Variants in PTPRN2 observed in about 807,000 individuals in gnomAD.
PTPRN2 encodes protein tyrosine phosphatase receptor type N2.
Under a neutral mutation model 118.8 loss-of-function variants are expected in PTPRN2, and 74 were observed. That is an observed-to-expected ratio of 0.62 (90% confidence interval 0.52 to 0.76). The LOEUF (loss-of-function observed/expected upper bound fraction) is 0.76. PTPRN2 is among the 30% of genes least tolerant of loss of function. The pLI, the probability that PTPRN2 is intolerant of heterozygous loss-of-function variation, is 0.00. For synonymous variants in PTPRN2, 641 were observed against 608.0 expected (o/e 1.05, Z -0.80); for missense variants, 1,481 against 1,394.4 (o/e 1.06, Z -0.99).
Position 158,570,539 on chromosome 7 carries a change from C to A in PTPRN2, c.112+17019G>T, listed in dbSNP as rs1199148277. On this transcript the variant is annotated intron_variant, in intron 1 of 22. Coordinates refer to ENST00000389418, the MANE Select transcript of PTPRN2 (RefSeq NM_002847.5). This position sits in a 1 kb window ranked among gnomAD's most constrained non-coding sequence, Gnocchi z 4.5. Reference sequence around the variant, plus strand: ...CCGTGGTGGGTCCCGATCCCCCGGCCGGCTCTGCCACTGAAGCCTCTCCCT... The same window carrying A: ...CCGTGGTGGGTCCCGATCCCCCGGCAGGCTCTGCCACTGAAGCCTCTCCCT... Among the ~76,000 whole-genome samples the A allele has an allele frequency of 6.6e-6, 1 of 152,114 alleles. No individual in the cohort carries two copies. Among genetic ancestry groups the A allele is most frequent in the African/African-American group, 2.4e-5 (1 of 41,428 alleles).
chr7:157,956,076 T>C (rs1037615044), intron 11 of PTPRN2, among the ~76,000 whole-genome samples: 11 of 152,162 alleles, frequency 7.2e-5, no homozygotes, highest in Non-Finnish European at 1.5e-4. Context: ...TTCTCTTGTG[T>C]TTGGATGAGA....
chr7:157,981,879 G>A (rs544484536), intron 11 of PTPRN2, among the ~76,000 whole-genome samples: 2 of 152,392 alleles, frequency 1.3e-5, no homozygotes, highest in African/African-American at 2.4e-5. Context: ...CAGCCCTTAC[G>A]CCAGGTGCCA....
intron 6 of PTPRN2, among the ~76,000 whole-genome samples, chr7:158,144,038 A>G (rs1023938357): frequency 4.6e-5 from 7 of 152,176 alleles, no homozygotes; most frequent in African/African-American, 1.7e-4. Context: ...GTGCGGGGAC[A>G]AGTTTGGGAC....
chr7:157,829,725 G>A (rs1272217161), intron 12 of PTPRN2, among the ~76,000 whole-genome samples: 5 of 152,168 alleles, frequency 3.3e-5, no homozygotes, highest in Non-Finnish European at 7.4e-5. Context: ...GCACCACCCC[G>A]TCCAGAGGGC....
intron 12 of PTPRN2, among the ~76,000 whole-genome samples, chr7:157,752,080 C>T (rs1356076235): frequency 6.6e-6 from 1 of 152,158 alleles, no homozygotes; most frequent in African/African-American, 2.4e-5. Flanking sequence ...GCAGGATCCA[C>T]GAGCTCCTGC....
intron 11 of PTPRN2, among the ~76,000 whole-genome samples, chr7:158,068,015 G>C (rs1177819497): frequency 6.6e-6 from 1 of 152,206 alleles, no homozygotes; most frequent in Non-Finnish European, 1.5e-5. Context: ...GCAGCTGGGA[G>C]ATGGCAGGAC....
At chr7:157,844,849 G>T (rs777238207) in intron 12 of PTPRN2, among the ~76,000 whole-genome samples, 2 of 152,190 alleles carry the variant, frequency 1.3e-5, no homozygotes, top group Non-Finnish European at 2.9e-5. Flanking sequence ...TCTGTCTACC[G>T]CAGAGTCCTG....
chr7:158,273,432 G>A (rs527452951), intron 3 of PTPRN2, among the ~76,000 whole-genome samples: 24 of 110,922 alleles, frequency 2.2e-4, no homozygotes, highest in Middle Eastern at 5.4e-3. Context: ...GGGAGGAGCC[G>A]CAGACAGACG....
At chr7:157,822,649 C>A (rs1806922739) in intron 12 of PTPRN2, among the ~76,000 whole-genome samples, 1 of 151,444 alleles carries the variant, frequency 6.6e-6, no homozygotes, top group African/African-American at 2.4e-5. Flanking sequence ...CATTCATCTA[C>A]CCATCCACTC....
chr7:157,734,769 T>C (rs1014678803), intron 12 of PTPRN2, among the ~76,000 whole-genome samples: 1 of 152,058 alleles, frequency 6.6e-6, no homozygotes, highest in Non-Finnish European at 1.5e-5. Flanking sequence ...ACTGTAAGGG[T>C]CCTGGGGATC....
chr7:157,763,081 T>TC lies in PTPRN2; in HGVS notation c.1789-80145_1789-80144insG, dbSNP rs1563082579. On this transcript the variant is annotated intron_variant, in intron 12 of 22. Transcript: ENST00000389418. This position sits in a 1 kb window ranked among gnomAD's most constrained non-coding sequence, Gnocchi z 4.9. Reference sequence around the variant, plus strand: ...ATCAGAGCCCACGGCCGCCCACTCATGGTCACAGAGCTAACCATCAGAGCC... The same window carrying TC: ...ATCAGAGCCCACGGCCGCCCACTCATCGGTCACAGAGCTAACCATCAGAGCC... Among the ~76,000 whole-genome samples, 20 of 133,366 alleles carry TC rather than the reference T, an allele frequency of 1.5e-4. No individual in the cohort carries two copies. The highest frequency in any genetic ancestry group is 5.0e-4 in the African/African-American group (17 of 34,268). The allele number at this position is 133,366 out of a possible 152,430, so 87.5% of individuals were successfully genotyped here. A position where few individuals can be genotyped will look rare whatever the true frequency, so the allele number is the denominator to read the frequency against.
Position 158,303,506 on chromosome 7 carries a change from G to A in PTPRN2, c.277+13313C>T, listed in dbSNP as rs373108986. Among the ~76,000 whole-genome samples, 8 of 152,260 alleles carry A rather than the reference G, an allele frequency of 5.3e-5. 1 individual carries two copies. In the South Asian group the frequency reaches 1.7e-3, roughly 32 times the overall value. On this transcript the variant is annotated intron_variant, in intron 3 of 22. Coordinates refer to ENST00000389418, the MANE Select transcript of PTPRN2 (RefSeq NM_002847.5). ...TATTCTATGAAAATTTTAACAAAAT[G>A]CATTATACTAATTTACCATACAGGA... is the stretch of plus-strand genomic sequence containing the variant.
chr7:157,547,929 C>T (rs1319612016), intron 22 of PTPRN2, among the ~76,000 whole-genome samples: 1 of 152,234 alleles, frequency 6.6e-6, no homozygotes, highest in Non-Finnish European at 1.5e-5. Flanking sequence ...TGTCCTGCTC[C>T]AGGGGAAGCT....
chr7:158,166,197 C>G (rs1209965487), intron 6 of PTPRN2, among the ~76,000 whole-genome samples: 2 of 152,040 alleles, frequency 1.3e-5, no homozygotes, highest in Non-Finnish European at 2.9e-5. Flanking sequence ...AAGGGATGAA[C>G]AAGAAGTGAG....
intron 2 of PTPRN2, among the ~76,000 whole-genome samples, chr7:158,396,352 G>T (rs1216100114): frequency 6.6e-6 from 1 of 152,202 alleles, no homozygotes; most frequent in African/African-American, 2.4e-5. Context: ...AAAACAAAAA[G>T]ACCTTTAAAG....
rs1160882572 is a variant in PTPRN2, at chr7:158,025,265, A to C, written c.1723+56033T>G. Among the ~76,000 whole-genome samples, 4 of 152,186 alleles carry C rather than the reference A, an allele frequency of 2.6e-5. No individual in the cohort carries two copies. In the East Asian group the frequency reaches 7.7e-4, roughly 29 times the overall value. On this transcript the variant is annotated intron_variant, in intron 11 of 22. Coordinates refer to ENST00000389418, the MANE Select transcript of PTPRN2 (RefSeq NM_002847.5). ...GGCAGGTAAAGCCACAATGCAGTTG[A>C]TGTACCCTCATCTGCTCTATTATTA...
At position 158,493,817 on chromosome 7, in the gene PTPRN2, G is replaced by A. The variant is rs530826672; in HGVS notation, c.113-4032C>T. Among the ~76,000 whole-genome samples, 56 of 146,872 alleles carry A rather than the reference G, an allele frequency of 3.8e-4. 9 individuals carry two copies. The South Asian group carries it at 4.5e-3, about 12-fold the overall frequency. The stretch of plus-strand genomic sequence containing the variant: ...CACACTCATGCCTGCACACATACAC[G>A]CACACCTGCATGCATACACACATGC... On this transcript the variant is annotated intron_variant, in intron 1 of 22. Transcript: ENST00000389418.
chr7:158,532,159 G>A (rs192332806), intron 1 of PTPRN2, among the ~76,000 whole-genome samples: 1 of 152,366 alleles, frequency 6.6e-6, no homozygotes, highest in Admixed American at 6.5e-5. Context: ...GGGTGCCGGA[G>A]GGAGGTGCAG....
At position 157,893,513 on chromosome 7, in the gene PTPRN2, T is replaced by C. The variant is rs1422302915; in HGVS notation, c.1788+5160A>G. 2.6e-5 allele frequency among the ~76,000 whole-genome samples: 4 copies of C among 152,230 alleles called. No homozygotes were observed. Among genetic ancestry groups the C allele is most frequent in the African/African-American group, 7.2e-5 (3 of 41,442 alleles). ...GAGCAGCAATTCAGATTTCCATGCA[T>C]TGAATCAATCTACTTCCTAGACAGA... On this transcript the variant is annotated intron_variant, in intron 12 of 22. Transcript: ENST00000389418. This position sits in a 1 kb window ranked among gnomAD's most constrained non-coding sequence, Gnocchi z 4.0.
Sources: allele counts gnomAD v4.1 joint callset (sites outside exome capture counted in the v4.1 genomes callset), GRCh38; gene constraint gnomAD v4.1.1; non-coding constraint Gnocchi (gnomAD v3.1); transcripts MANE v1.5; gene names NCBI Gene and HGNC (gene_info 2026-07-23, HGNC 2026-07-21).